RNF144A: variants seen among roughly 807,000 people sequenced by gnomAD.
RNF144A encodes E3 ubiquitin-protein ligase RNF144A.
Under a neutral mutation model 38.7 loss-of-function variants are expected in RNF144A, and 11 were observed. The observed-to-expected ratio is 0.28, with a 90% CI of 0.18 to 0.47. The LOEUF is 0.47. Ranked by LOEUF, RNF144A falls within the 20% of genes least tolerant of loss-of-function variation. The probability of loss-of-function intolerance (pLI) is 0.99; values close to 1 mark genes in which losing one functional copy is unlikely to be tolerated. For synonymous variants in RNF144A, 149 were observed against 143.9 expected, an observed-to-expected ratio of 1.04 and a Z score of -0.25; for missense variants, 316 against 377.2, an observed-to-expected ratio of 0.84 and a Z score of 1.34.
intron 6 of RNF144A, among the ~76,000 whole-genome samples, chr2:7,024,059 G>A (rs1436107709): frequency 6.6e-6 from 1 of 152,166 alleles, no homozygotes; most frequent in African/African-American, 2.4e-5. Flanking sequence ...AGATACCTCC[G>A]TTATAATAAG....
intron 7 of RNF144A, among the ~76,000 whole-genome samples, chr2:7,028,395 T>G (rs776018801): frequency 6.6e-6 from 1 of 152,132 alleles, no homozygotes; most frequent in African/African-American, 2.4e-5. Flanking sequence ...TCAGAATCAC[T>G]TAGGGAGCCT....
intron 2 of RNF144A, among the ~76,000 whole-genome samples, chr2:6,990,771 C>G (rs1669315252): frequency 6.6e-6 from 1 of 152,130 alleles, no homozygotes; most frequent in Admixed American, 6.5e-5. Flanking sequence ...TGGATAATGA[C>G]ATGTAATCAC....
chr2:6,990,489 C>A (rs939842471), intron 2 of RNF144A, among the ~76,000 whole-genome samples: 7 of 125,352 alleles, frequency 5.6e-5, no homozygotes, highest in Non-Finnish European at 8.0e-5. Context: ...TATAGCATAG[C>A]ATATATATTA....
chr2:7,044,713 C>A (rs1428557378), downstream of RNF144A, among the ~76,000 whole-genome samples: 1 of 152,206 alleles, frequency 6.6e-6, no homozygotes, highest in African/African-American at 2.4e-5. Flanking sequence ...GATTTTCATT[C>A]ACCTCACTCC....
chr2:7,024,250 CA>C (rs1671723994), intron 6 of RNF144A, 118 bp from the exon 7 acceptor site: 4 of 894,524 alleles, frequency 4.5e-6, no homozygotes, highest in Non-Finnish European at 6.1e-6. Flanking sequence ...TTTGTTTTTT[CA>C]TTTAATACCA....
chr2:6,990,453 TA>T, intron 2 of RNF144A, among the ~76,000 whole-genome samples: 1 of 115,810 alleles, frequency 8.6e-6, no homozygotes, highest in Non-Finnish European at 1.8e-5. Context: ...TATATATATA[TA>T]ATATATAATA....
At chr2:7,052,005 T>C (rs1293627479) in intron 6 of RNF144A, among the ~76,000 whole-genome samples, 1 of 152,092 alleles carries the variant, frequency 6.6e-6, no homozygotes, top group Non-Finnish European at 1.5e-5. Context: ...ATATTACTCC[T>C]CCCTTAGTCC....
intron 1 of RNF144A, among the ~76,000 whole-genome samples, chr2:6,924,365 A>G (rs1664732108): frequency 6.6e-6 from 1 of 152,226 alleles, no homozygotes; most frequent in African/African-American, 2.4e-5. Context: ...TGCGATGTGA[A>G]GGGAGATGCA....
chr2:7,017,363 C>T (rs539962755), intron 5 of RNF144A, among the ~76,000 whole-genome samples: 14 of 148,228 alleles, frequency 9.4e-5, no homozygotes, highest in Admixed American at 2.7e-4. Context: ...TTAAATAATA[C>T]GATGGGTTAT....
At chr2:6,951,276 TG>T (rs1326057242) in intron 2 of RNF144A, among the ~76,000 whole-genome samples, 2 of 68,336 alleles carry the variant, frequency 2.9e-5, no homozygotes, top group South Asian at 1.0e-3. Flanking sequence ...CATGTATTCA[TG>T]TTTTTTTTTT....
chr2:7,043,868 T>C lies in RNF144A; in HGVS notation c.*4108T>C, dbSNP rs1673193059. On this transcript the variant is annotated 3_prime_UTR_variant, in exon 9 of 9. Transcript: ENST00000320892. ...GGTGTATTTTAATCTTGTATAAAAA[T>C]ATGCATGAATGAGTCATGCACATGT... The C allele has an allele frequency of 1.2e-5, 12 of 985,844 alleles. No homozygotes were observed. Among genetic ancestry groups the C allele is most frequent in the Non-Finnish European group, 1.4e-5 (12 of 829,916 alleles). 61.1% of individuals were successfully genotyped at this position (985,844 alleles called of 1,614,324 possible).
At chr2:6,925,569 A>C (rs979372815) in intron 1 of RNF144A, among the ~76,000 whole-genome samples, 19 of 152,066 alleles carry the variant, frequency 1.2e-4, no homozygotes, top group Non-Finnish European at 2.5e-4. Flanking sequence ...GCAGGCAGGA[A>C]CCTCAGGATC....
At chr2:6,939,051 A>G (rs1317263999) in intron 1 of RNF144A, among the ~76,000 whole-genome samples, 1 of 151,852 alleles carries the variant, frequency 6.6e-6, no homozygotes, top group Non-Finnish European at 1.5e-5. Context: ...ACATTCCTGT[A>G]TAGGTTTTAT....
intron 2 of RNF144A, among the ~76,000 whole-genome samples, chr2:6,981,898 A>C (rs1393382173): frequency 6.6e-6 from 1 of 152,206 alleles, no homozygotes; most frequent in African/African-American, 2.4e-5. Context: ...TAATTGATTC[A>C]CAGTTCCCCA....
chr2:6,976,342 CT>C (rs1668312264), intron 2 of RNF144A, among the ~76,000 whole-genome samples: 1 of 152,104 alleles, frequency 6.6e-6, no homozygotes, highest in African/African-American at 2.4e-5. Flanking sequence ...GTGAATTTCT[CT>C]TCTTATAATT....
At chr2:7,005,876 A>G (rs928574118) in intron 3 of RNF144A, among the ~76,000 whole-genome samples, 1 of 151,424 alleles carries the variant, frequency 6.6e-6, no homozygotes, top group Non-Finnish European at 1.5e-5. Flanking sequence ...CTTGCTGGAA[A>G]GCCTGACTTG....
chr2:6,960,073 A>C (rs570553874), intron 2 of RNF144A, among the ~76,000 whole-genome samples: 14 of 152,330 alleles, frequency 9.2e-5, no homozygotes, highest in African/African-American at 3.4e-4. Context: ...GTTATAAATG[A>C]ATGTCTTGCC....
intron 1 of RNF144A, among the ~76,000 whole-genome samples, chr2:6,940,505 G>A (rs528229639): frequency 9.9e-5 from 15 of 151,778 alleles, no homozygotes; most frequent in African/African-American, 2.9e-4. Context: ...CTGTTCTTCC[G>A]TTTTGCCTTT....
downstream of RNF144A, among the ~76,000 whole-genome samples, chr2:7,045,552 C>T (rs1673272598): frequency 6.6e-6 from 1 of 152,206 alleles, no homozygotes. Context: ...CCTGTGGACA[C>T]AGCTCCTTCA....
Sources: allele counts gnomAD v4.1 joint callset (sites outside exome capture counted in the v4.1 genomes callset), GRCh38; gene constraint gnomAD v4.1.1; transcripts MANE v1.5; gene names NCBI Gene and HGNC (gene_info 2026-07-23, HGNC 2026-07-21).